Variants in HS6ST2 observed in about 807,000 individuals in gnomAD.
HS6ST2 encodes the protein heparan sulfate 6-O-sulfotransferase 2.
In HS6ST2, 17 loss-of-function variants were observed where a neutral mutation model predicts 33.0. That is an observed-to-expected ratio of 0.52 (90% CI 0.35 to 0.77). The LOEUF (loss-of-function observed/expected upper bound fraction) is 0.77. HS6ST2 is among the 30% of genes least tolerant of loss of function. HS6ST2 has a pLI of 0.01. For synonymous variants in HS6ST2, 248 were observed against 237.1 expected, an observed-to-expected ratio of 1.05 and a Z score of -0.42; for missense variants, 519 against 551.7, an observed-to-expected ratio of 0.94 and a Z score of 0.59.
intron 3 of HS6ST2, among the ~76,000 whole-genome samples, chrX:132,701,099 T>G (rs908439390): frequency 8.9e-6 from 1 of 112,425 alleles, no homozygotes; most frequent in Non-Finnish European, 1.9e-5. Context: ...CCAATCAAGA[T>G]ACTGGATAGG....
chrX:132,954,303 A>G (rs903620460), intron 2 of HS6ST2, among the ~76,000 whole-genome samples: 3 of 111,742 alleles, frequency 2.7e-5, no homozygotes, highest in African/African-American at 9.8e-5. Context: ...GAGCACAGAG[A>G]CCACCAGCTG....
intron 2 of HS6ST2, among the ~76,000 whole-genome samples, chrX:132,716,813 T>C (rs2064277827): frequency 1.8e-5 from 2 of 112,261 alleles, no homozygotes; most frequent in Non-Finnish European, 3.8e-5. Flanking sequence ...TTCATTTCCA[T>C]GTTTCAGATC....
At chrX:132,845,259 C>T (rs1043878812) in intron 2 of HS6ST2, among the ~76,000 whole-genome samples, 3 of 109,588 alleles carry the variant, frequency 2.7e-5, no homozygotes, top group Non-Finnish European at 5.7e-5. Context: ...GATATTCTCT[C>T]AATGTCAATG....
chrX:132,717,572 TAATTA>T (rs1272695544), intron 2 of HS6ST2, among the ~76,000 whole-genome samples: 1 of 112,303 alleles, frequency 8.9e-6, no homozygotes, highest in African/African-American at 3.2e-5. Context: ...AACATCTGGA[TAATTA>T]ACTTCATTGT....
At chrX:132,943,722 G>C (rs2066911774) in intron 2 of HS6ST2, among the ~76,000 whole-genome samples, 1 of 111,298 alleles carries the variant, frequency 9.0e-6, no homozygotes, top group Non-Finnish European at 1.9e-5. Flanking sequence ...ATCAATAAAT[G>C]TAATCCAGCA....
At chrX:132,872,389 C>T (rs939184428) in intron 2 of HS6ST2, among the ~76,000 whole-genome samples, 2 of 111,614 alleles carry the variant, frequency 1.8e-5, no homozygotes, top group African/African-American at 3.3e-5. Context: ...AATGTTAAAG[C>T]TGGTGAGGGA....
chrX:132,890,136 G>GA (rs1359677967), intron 2 of HS6ST2, among the ~76,000 whole-genome samples: 2 of 111,122 alleles, frequency 1.8e-5, no homozygotes, highest in African/African-American at 3.3e-5. Context: ...CCAGTCATTT[G>GA]GCTGTGTGCT....
At chrX:132,816,077 T>G (rs181844764) in intron 2 of HS6ST2, among the ~76,000 whole-genome samples, 2 of 112,099 alleles carry the variant, frequency 1.8e-5, no homozygotes, top group Admixed American at 1.9e-4. Flanking sequence ...AAATGTTTTT[T>G]GAGTTATGAA....
At chrX:132,634,451 T>G (rs772195857) in intron 4 of HS6ST2, among the ~76,000 whole-genome samples, 2 of 112,008 alleles carry the variant, frequency 1.8e-5, no homozygotes, top group African/African-American at 6.5e-5. Context: ...CATTTTTAAA[T>G]TGGAGCCATG....
At chrX:132,644,993 A>T (rs2063629869) in intron 4 of HS6ST2, among the ~76,000 whole-genome samples, 1 of 111,058 alleles carries the variant, frequency 9.0e-6, no homozygotes, top group Non-Finnish European at 1.9e-5. Flanking sequence ...ATCCTTAGTT[A>T]CTATTTCTTT....
chrX:132,627,990 T>A lies in HS6ST2; in HGVS notation c.*233A>T. On this transcript the variant is annotated 3_prime_UTR_variant, in exon 5 of 5. Transcript: ENST00000370833. The stretch of plus-strand genomic sequence containing the variant: ...TGGTGAGTCTGGTTTGGCTTTCGGA[T>A]TTCATATTTAGTCCAACCCCAAAAA... 3.6e-6 allele frequency: 1 copy of A among 279,140 alleles called. No individual in the cohort carries two copies. The highest frequency in any genetic ancestry group is 1.6e-4 in the South Asian group (1 of 6,179). 23.0% of individuals were successfully genotyped at this position (279,140 alleles called of 1,213,427 possible).
At chrX:132,932,333 A>G (rs753528483) in intron 2 of HS6ST2, among the ~76,000 whole-genome samples, 11 of 111,905 alleles carry the variant, frequency 9.8e-5, no homozygotes, top group Non-Finnish European at 2.1e-4. Flanking sequence ...CAACAGAGAC[A>G]GACTGTTTAA....
chrX:132,942,742 C>T (rs1277815308), intron 2 of HS6ST2, among the ~76,000 whole-genome samples: 1 of 111,833 alleles, frequency 8.9e-6, no homozygotes, highest in Non-Finnish European at 1.9e-5. Context: ...TCTACACTTA[C>T]CAAATGCAGC....
At chrX:132,848,246 C>G (rs1198625136) in intron 2 of HS6ST2, among the ~76,000 whole-genome samples, 1 of 111,693 alleles carries the variant, frequency 9.0e-6, no homozygotes, top group South Asian at 3.8e-4. Flanking sequence ...AAAAATATGG[C>G]TTGTCTGATA....
At chrX:132,953,361 GCTCT>G (rs3033785) in intron 2 of HS6ST2, among the ~76,000 whole-genome samples, 12 of 106,711 alleles carry the variant, frequency 1.1e-4, no homozygotes, top group Admixed American at 2.0e-4. Context: ...CACCAGCCAA[GCTCT>G]CTCTCTCTCT....
intron 2 of HS6ST2, among the ~76,000 whole-genome samples, chrX:132,787,121 AC>A (rs1373169073): frequency 1.1e-5 from 1 of 93,627 alleles, no homozygotes; most frequent in African/African-American, 3.9e-5. Context: ...AGCACTTACC[AC>A]CATTAAAACT....
chrX:132,628,262 G>T lies in HS6ST2; in HGVS notation c.1899C>A (p.Gly633=), dbSNP rs1057021308. ...GKEQNDNTSN[G]TNDYIGSVEK... is the part of the protein sequence containing the mutation. Reference sequence around the variant, plus strand: ...CTACACTGCCTATGTAGTCGTTGGTGCCATTGCTGGTGTTATCATTCTGCT... The same window carrying T: ...CTACACTGCCTATGTAGTCGTTGGTTCCATTGCTGGTGTTATCATTCTGCT... The change falls in exon 5 of 5, where the codon GGC becomes GGA. Residue 633 remains glycine (G), a synonymous_variant. Transcript: ENST00000370833. 1.7e-6 allele frequency: 2 copies of T among 1,165,163 alleles called. No homozygotes were observed. Among genetic ancestry groups the T allele is most frequent in the African/African-American group, 3.6e-5 (2 of 55,592 alleles).
intron 2 of HS6ST2, among the ~76,000 whole-genome samples, chrX:132,849,258 GAC>G (rs921526165): frequency 5.4e-5 from 6 of 110,932 alleles, no homozygotes; most frequent in Admixed American, 4.8e-4. Context: ...GCAATGCAAA[GAC>G]ACAGTCAAAA....
intron 2 of HS6ST2, among the ~76,000 whole-genome samples, chrX:132,790,158 G>A (rs1476758764): frequency 9.0e-6 from 1 of 111,520 alleles, no homozygotes; most frequent in Non-Finnish European, 1.9e-5. Context: ...AATTGATGTG[G>A]CAAACTTCAC....
Sources: gnomAD v4.1 joint callset for allele counts (sites outside exome capture counted in the v4.1 genomes callset) on GRCh38, gnomAD v4.1.1 for gene constraint, MANE v1.5 for transcripts, NCBI Gene and HGNC (gene_info 2026-07-23, HGNC 2026-07-21) for gene names.